The following DLGAP2 variants were observed in gnomAD, a reference collection of about 807,000 sequenced individuals.
DLGAP2 encodes disks large-associated protein 2.
Under a neutral mutation model 100.3 loss-of-function variants are expected in DLGAP2, and 26 were observed. That is an observed-to-expected ratio of 0.26 (90% confidence interval 0.19 to 0.36). DLGAP2 has a LOEUF of 0.36. Ranked by LOEUF, DLGAP2 falls within the 10% of genes least tolerant of loss-of-function variation. The pLI is 1.00. For missense variants in DLGAP2, 1,858 were observed against 1,453.2 expected (o/e 1.28, Z -4.53); for synonymous variants, 886 against 630.1 (o/e 1.41, Z -6.08).
At chr8:1,422,969 C>T (rs1004222022) in intron 3 of DLGAP2, among the ~76,000 whole-genome samples, 8 of 152,084 alleles carry the variant, frequency 5.3e-5, no homozygotes, top group South Asian at 2.1e-4. Context: ...GGAGGGGATC[C>T]GTGCAGGTGG....
chr8:958,866 G>A (rs902186949), intron 2 of DLGAP2, among the ~76,000 whole-genome samples: 12 of 152,130 alleles, frequency 7.9e-5, no homozygotes, highest in Admixed American at 7.2e-4. Flanking sequence ...ACAGTTGCTC[G>A]GAAATCTTAT....
chr8:1,044,453 C>A (rs895248634), intron 2 of DLGAP2, among the ~76,000 whole-genome samples: 1 of 152,224 alleles, frequency 6.6e-6, no homozygotes, highest in East Asian at 1.9e-4. Context: ...GTTGGTCTCA[C>A]CGCACCTGCG....
chr8:768,729 C>A (rs1446862538), intron 1 of DLGAP2, among the ~76,000 whole-genome samples: 1 of 152,100 alleles, frequency 6.6e-6, no homozygotes, highest in African/African-American at 2.4e-5. Context: ...GGTCTTGACT[C>A]TGATTGAGCC....
At chr8:947,785 A>G (rs1036154503) in intron 2 of DLGAP2, among the ~76,000 whole-genome samples, 3 of 151,648 alleles carry the variant, frequency 2.0e-5, no homozygotes, top group Non-Finnish European at 2.9e-5. Flanking sequence ...GCCAGCCAGC[A>G]TGTGCCATGG....
intron 3 of DLGAP2, among the ~76,000 whole-genome samples, chr8:1,469,744 A>C (rs1798728093): frequency 6.6e-6 from 1 of 152,068 alleles, no homozygotes; most frequent in Admixed American, 6.5e-5. Context: ...AATAAAACCA[A>C]CCCCAGAAAT....
intron 2 of DLGAP2, among the ~76,000 whole-genome samples, chr8:1,110,840 C>G (rs1394775612): frequency 6.6e-6 from 1 of 151,994 alleles, no homozygotes; most frequent in African/African-American, 2.4e-5. Flanking sequence ...CCCCCGGGAC[C>G]CCACACACCC....
chr8:1,468,391 G>A (rs1449732837), intron 3 of DLGAP2, among the ~76,000 whole-genome samples: 2 of 149,686 alleles, frequency 1.3e-5, no homozygotes, highest in Non-Finnish European at 3.0e-5. Context: ...TGAGAACCTC[G>A]CCTGTTCACA....
intron 6 of DLGAP2, among the ~76,000 whole-genome samples, chr8:1,620,926 A>C (rs1797312518): frequency 6.6e-6 from 1 of 152,072 alleles, no homozygotes; most frequent in African/African-American, 2.4e-5. Context: ...TCTCTCCCAG[A>C]ATGCCTTTCC....
chr8:925,383 C>G (rs1427516133), intron 2 of DLGAP2, among the ~76,000 whole-genome samples: 1 of 152,158 alleles, frequency 6.6e-6, no homozygotes. Context: ...CAGCTTGTTT[C>G]ATATACATAT....
At chr8:1,113,122 A>G (rs1326778292) in intron 2 of DLGAP2, among the ~76,000 whole-genome samples, 1 of 152,186 alleles carries the variant, frequency 6.6e-6, no homozygotes, top group Non-Finnish European at 1.5e-5. Flanking sequence ...GTATCATTCA[A>G]AGTTGGATAA....
Position 858,547 on chromosome 8 carries a change from G to A in DLGAP2, c.19-49365G>A, listed in dbSNP as rs117542609. Reference sequence around the variant, plus strand: ...CGTGGGCACGTGTAATGCTGTCACCGTGGGCACATGTGTGATGCTGTCACC... The same window carrying A: ...CGTGGGCACGTGTAATGCTGTCACCATGGGCACATGTGTGATGCTGTCACC... On this transcript the variant is annotated intron_variant, in intron 1 of 14. Transcript: ENST00000637795. Among the ~76,000 whole-genome samples the A allele has an allele frequency of 9.0e-3, 1,358 of 150,804 alleles. 31 individuals carry two copies. The highest frequency in any genetic ancestry group is 0.047 in the Admixed American group (717 of 15,202).
At chr8:1,246,436 A>G (rs58415885) in intron 2 of DLGAP2, among the ~76,000 whole-genome samples, 30,817 of 152,112 alleles carry the variant, frequency 0.2, 3,816 homozygotes, top group African/African-American at 0.34. Flanking sequence ...TGCTGAGAGC[A>G]CAGGGACCTT....
At chr8:820,213 T>C (rs977447732) in intron 1 of DLGAP2, among the ~76,000 whole-genome samples, 5 of 152,220 alleles carry the variant, frequency 3.3e-5, no homozygotes, top group African/African-American at 9.7e-5. Flanking sequence ...GTTTTAAACA[T>C]GTTAAATATG....
chr8:1,237,237 G>A (rs1353031008), intron 2 of DLGAP2, among the ~76,000 whole-genome samples: 6 of 143,238 alleles, frequency 4.2e-5, no homozygotes, highest in Non-Finnish European at 9.0e-5. Context: ...ATGGCGCCGT[G>A]TCTAGTTCTC....
intron 2 of DLGAP2, among the ~76,000 whole-genome samples, chr8:1,068,900 A>G (rs919214156): frequency 5.3e-5 from 8 of 152,102 alleles, no homozygotes; most frequent in Non-Finnish European, 8.8e-5. Context: ...AAAAAAGGGA[A>G]TCTGTGAACC....
chr8:1,506,110 G>C (rs955652206), intron 4 of DLGAP2, among the ~76,000 whole-genome samples: 1 of 152,120 alleles, frequency 6.6e-6, no homozygotes, highest in Non-Finnish European at 1.5e-5. Flanking sequence ...TTATATAATA[G>C]AACATCAGCT....
At chr8:1,246,358 G>A (rs1161023570) in intron 2 of DLGAP2, among the ~76,000 whole-genome samples, 1 of 152,152 alleles carries the variant, frequency 6.6e-6, no homozygotes, top group African/African-American at 2.4e-5. Flanking sequence ...GCTTTTGGAG[G>A]CACTAACCGC....
At chr8:1,292,524 G>T (rs1800082469) in intron 3 of DLGAP2, among the ~76,000 whole-genome samples, 1 of 152,114 alleles carries the variant, frequency 6.6e-6, no homozygotes, top group South Asian at 2.1e-4. Flanking sequence ...ATTTTGATCT[G>T]TTCATTTTAT....
chr8:1,169,296 A>T (rs1242226113), intron 2 of DLGAP2, among the ~76,000 whole-genome samples: 3 of 152,170 alleles, frequency 2.0e-5, no homozygotes, highest in African/African-American at 4.8e-5. Context: ...CTTGTAATAT[A>T]CTTTGAAGTC....
Sources: gnomAD v4.1 joint callset for allele counts (sites outside exome capture counted in the v4.1 genomes callset) on GRCh38, gnomAD v4.1.1 for gene constraint, MANE v1.5 for transcripts, NCBI Gene and HGNC (gene_info 2026-07-23, HGNC 2026-07-21) for gene names.